Variants in GPHN observed in about 807,000 individuals in gnomAD.
GPHN encodes the protein gephyrin.
A neutral mutation model predicts 95.5 loss-of-function variants in GPHN; 17 were observed. The observed-to-expected ratio is 0.18, with a 90% CI of 0.12 to 0.27. GPHN has a LOEUF of 0.27. Ranked by LOEUF, GPHN falls within the 10% of genes least tolerant of loss-of-function variation. GPHN has a pLI of 1.00. For missense variants in GPHN, 660 were observed against 978.1 expected (o/e 0.67, Z 4.34); for synonymous variants, 320 against 322.5 (o/e 0.99, Z 0.08).
intron 18 of GPHN, among the ~76,000 whole-genome samples, chr14:67,150,224 C>T (rs1356165654): frequency 6.6e-6 from 1 of 151,654 alleles, no homozygotes; most frequent in East Asian, 1.9e-4. Flanking sequence ...GGGCGGATCA[C>T]GAGATCAGGA....
At chr14:67,303,514 T>G in the GPHN span, 1 of 1,604,696 alleles carries the variant, frequency 6.2e-7, no homozygotes, top group Non-Finnish European at 8.5e-7. Flanking sequence ...CTGATCTTTC[T>G]ATTACAGTCT....
At chr14:67,184,147 A>G (rs1405010442), downstream of GPHN, among the ~76,000 whole-genome samples, 1 of 152,220 alleles carries the variant, frequency 6.6e-6, no homozygotes, top group African/African-American at 2.4e-5. Flanking sequence ...TCTTTAAGTT[A>G]CAGAAACAAA....
chr14:67,729,086 T>A, the GPHN span: 10 of 1,181,832 alleles, frequency 8.5e-6, no homozygotes, highest in Non-Finnish European at 1.1e-5. Context: ...TGGGGTTATG[T>A]TTCCTGAGTC....
chr14:67,712,888 T>G, the GPHN span, among the ~76,000 whole-genome samples: 1 of 152,066 alleles, frequency 6.6e-6, no homozygotes, highest in Non-Finnish European at 1.5e-5. Context: ...AATAAAAAAA[T>G]GTTCCCTTCT....
At chr14:67,273,589 G>A in the GPHN span, among the ~76,000 whole-genome samples, 1 of 152,188 alleles carries the variant, frequency 6.6e-6, no homozygotes, top group African/African-American at 2.4e-5. Context: ...ACATATGTGT[G>A]CATGTGTCTT....
chr14:66,530,880 T>A lies in GPHN; in HGVS notation c.64+22289T>A, dbSNP rs183693003. ...CTTCTGCGTTGATCTCGCTGGGAGCTGCAGATCGAAGCTGTTCCTATTCGG... is the reference window on the plus strand; with the variant it reads ...CTTCTGCGTTGATCTCGCTGGGAGCAGCAGATCGAAGCTGTTCCTATTCGG... On this transcript the variant is annotated intron_variant, in intron 1 of 22. Coordinates refer to ENST00000478722, the MANE Select transcript of GPHN (RefSeq NM_020806.5). Among the ~76,000 whole-genome samples, 374 of 151,740 alleles carry A rather than the reference T, an allele frequency of 2.5e-3. 1 individual carries two copies. The highest frequency in any genetic ancestry group is 8.6e-3 in the African/African-American group (357 of 41,360).
At chr14:66,874,778 C>T (rs2063580369) in intron 4 of GPHN, among the ~76,000 whole-genome samples, 1 of 152,170 alleles carries the variant, frequency 6.6e-6, no homozygotes, top group East Asian at 1.9e-4. Flanking sequence ...AAACCTACTT[C>T]TGATTGCTGT....
At chr14:67,081,894 C>T (rs761639332) in intron 11 of GPHN, among the ~76,000 whole-genome samples, 4 of 151,996 alleles carry the variant, frequency 2.6e-5, no homozygotes, top group African/African-American at 9.7e-5. Context: ...GCTTTGTCAA[C>T]GATCAGTTGG....
At position 67,138,400 on chromosome 14, in the gene GPHN, C is replaced by A. The variant is rs181910002; in HGVS notation, c.1749-4962C>A. 3.0e-3 allele frequency among the ~76,000 whole-genome samples: 458 copies of A among 152,162 alleles called. 2 individuals are homozygous for A. The highest frequency in any genetic ancestry group is 5.0e-3 in the Non-Finnish European group (341 of 67,998). On this transcript the variant is annotated intron_variant, in intron 17 of 22. Coordinates refer to ENST00000478722, the MANE Select transcript of GPHN (RefSeq NM_020806.5). Reference sequence around the variant, plus strand: ...TCCTATCATTGAGAAAATTAATATACCCTGCTTGCTTTATGTGAGAAAACT... The same window carrying A: ...TCCTATCATTGAGAAAATTAATATAACCTGCTTGCTTTATGTGAGAAAACT...
At chr14:67,553,255 G>A in the GPHN span, among the ~76,000 whole-genome samples, 9 of 152,190 alleles carry the variant, frequency 5.9e-5, no homozygotes, top group African/African-American at 2.2e-4. Context: ...CAGTAGTCCT[G>A]CTGAAGTGCA....
chr14:67,309,196 A>G, the GPHN span, among the ~76,000 whole-genome samples: 3 of 152,110 alleles, frequency 2.0e-5, no homozygotes, highest in African/African-American at 4.8e-5. Context: ...TATCTCCTTC[A>G]TTTTAAAGGG....
Position 66,824,293 on chromosome 14 carries a change from A to G in GPHN, c.202-181A>G, listed in dbSNP as rs535194698. Among the ~76,000 whole-genome samples the G allele has an allele frequency of 4.1e-4, 62 of 152,324 alleles. No homozygotes were observed. In the South Asian group the frequency reaches 0.01, roughly 25 times the overall value. On this transcript the variant is annotated intron_variant, in intron 3 of 22. Transcript: ENST00000478722. ...CTATAATTAATAAAATAAGTACTCA[A>G]AATTTCAGTGCCTTTTGATCAAGAG...
intron 2 of GPHN, among the ~76,000 whole-genome samples, chr14:66,762,345 A>T (rs2058788838): frequency 6.6e-6 from 1 of 152,172 alleles, no homozygotes; most frequent in African/African-American, 2.4e-5. Flanking sequence ...TTTAAGAATT[A>T]TGTAAGGCAT....
At chr14:67,316,731 A>G in the GPHN span, 1 of 854,076 alleles carries the variant, frequency 1.2e-6, no homozygotes, top group South Asian at 1.8e-5. Flanking sequence ...AGGGAATATA[A>G]GTGAAGAGAT....
At chr14:67,671,928 T>C in the GPHN span, among the ~76,000 whole-genome samples, 1 of 152,366 alleles carries the variant, frequency 6.6e-6, no homozygotes, top group Admixed American at 6.5e-5. Flanking sequence ...TAATCATTTC[T>C]TATGGGTCCC....
chr14:67,694,505 T>C, the GPHN span, among the ~76,000 whole-genome samples: 1,474 of 146,592 alleles, frequency 0.01, 13 homozygotes, highest in Non-Finnish European at 0.015. Context: ...TATATATATA[T>C]ACACACATAT....
intron 4 of GPHN, among the ~76,000 whole-genome samples, chr14:66,877,987 G>T (rs1051152847): frequency 3.3e-5 from 5 of 151,978 alleles, no homozygotes; most frequent in African/African-American, 1.2e-4. Context: ...CTACAAGGCT[G>T]CAGTAACCAA....
chr14:67,278,038 CTT>C, the GPHN span, among the ~76,000 whole-genome samples: 22 of 138,678 alleles, frequency 1.6e-4, no homozygotes, highest in Admixed American at 1.5e-4. Flanking sequence ...AACCCCAATT[CTT>C]TTTTTTTTTT....
the GPHN span, among the ~76,000 whole-genome samples, chr14:67,632,791 G>A: frequency 2.0e-5 from 3 of 149,664 alleles, no homozygotes; most frequent in Non-Finnish European, 4.4e-5. Flanking sequence ...TTTCAACAGG[G>A]AGAATTAAGC....
Sources: gnomAD v4.1 joint callset for allele counts (sites outside exome capture counted in the v4.1 genomes callset) on GRCh38, gnomAD v4.1.1 for gene constraint, MANE v1.5 for transcripts, NCBI Gene and HGNC (gene_info 2026-07-23, HGNC 2026-07-21) for gene names.